GLUD1: variants seen among roughly 807,000 people sequenced by gnomAD.
GLUD1 encodes glutamate dehydrogenase 1, mitochondrial.
Under a neutral mutation model 56.0 loss-of-function variants are expected in GLUD1, and 22 were observed. The observed-to-expected ratio is 0.39, with a 90% CI of 0.28 to 0.56. The LOEUF is 0.56. Ranked by LOEUF, GLUD1 falls within the 20% of genes least tolerant of loss-of-function variation. The probability of loss-of-function intolerance (pLI) is 0.58; values close to 1 mark genes in which losing one functional copy is unlikely to be tolerated. For missense variants in GLUD1, 451 were observed against 732.0 expected, an observed-to-expected ratio of 0.62 and a Z score of 4.43; for synonymous variants, 223 against 269.9, an observed-to-expected ratio of 0.83 and a Z score of 1.70.
intron 5 of GLUD1, among the ~76,000 whole-genome samples, chr10:87,065,406 T>A (rs1846050501): frequency 6.6e-6 from 1 of 152,098 alleles, no homozygotes; most frequent in Admixed American, 6.6e-5. Flanking sequence ...TATGCCCAGC[T>A]GGTCTCTTGT....
chr10:87,076,746 G>C, intron 1 of GLUD1, 90 bp from the exon 2 acceptor site: 2 of 818,622 alleles, frequency 2.4e-6, no homozygotes, highest in Non-Finnish European at 2.2e-6. Context: ...AAAAAAGAAA[G>C]CTACAAATTG....
rs773724079 is a variant in GLUD1 at position 87,094,341 on chromosome 10, G to C, written c.429C>G (p.Arg143=). ...EGYRAQHSQH[R]TPCKGGIRYS... is the part of the protein sequence containing the mutation. ...GACGCTCACCTCCCTTGCAGGGCGT[G>C]CGGTGCTGGCTGTGCTGGGCCCGGT... Residue 143 remains arginine (R), a synonymous_variant, in exon 1 of 13, where the codon CGC becomes CGG. Coordinates refer to ENST00000277865, the MANE Select transcript of GLUD1 (RefSeq NM_005271.5). The surrounding 1 kb of genome is among the most constrained non-coding windows in gnomAD (Gnocchi z 6.6). The C allele has an allele frequency of 3.1e-6, 5 of 1,610,126 alleles. No individual in the cohort carries two copies. The East Asian group carries it at 1.1e-4, about 36-fold the overall frequency.
intron 11 of GLUD1, among the ~76,000 whole-genome samples, chr10:87,056,377 T>C (rs1295341496): frequency 6.8e-6 from 1 of 148,108 alleles, no homozygotes; most frequent in Non-Finnish European, 1.5e-5. Flanking sequence ...CACTCCAACC[T>C]CTGCCTCCTG....
intron 9 of GLUD1, 98 bp downstream of exon 9, chr10:87,060,063 G>T (rs970900801): frequency 3.7e-6 from 3 of 816,420 alleles, no homozygotes; most frequent in Admixed American, 3.5e-5. Flanking sequence ...ATTCACTAGA[G>T]CTTGGAGACT....
chr10:87,066,518 A>G (rs1846081121), intron 5 of GLUD1, among the ~76,000 whole-genome samples: 2 of 152,160 alleles, frequency 1.3e-5, no homozygotes, highest in African/African-American at 4.8e-5. Context: ...AAGTTCACCC[A>G]GCTTCTGAAC....
chr10:87,066,573 C>G (rs1378778144), intron 5 of GLUD1, among the ~76,000 whole-genome samples: 2 of 152,186 alleles, frequency 1.3e-5, no homozygotes, highest in Non-Finnish European at 2.9e-5. Context: ...CAAACACTTG[C>G]CACTACCCCT....
Position 87,093,807 on chromosome 10 carries a change from A to T in GLUD1, c.445+518T>A. The T allele has an allele frequency of 8.7e-6, 6 of 686,442 alleles. No individual in the cohort carries two copies. The South Asian group carries it at 8.9e-5, about 10-fold the overall frequency. 42.5% of individuals were successfully genotyped at this position (686,442 alleles called of 1,614,324 possible). ...TTAGTAAATTCCTTTGGTTAATAAAACTGTCTAGATTTCAAACTTAGAAGC... is the reference window on the plus strand; with the variant it reads ...TTAGTAAATTCCTTTGGTTAATAAATCTGTCTAGATTTCAAACTTAGAAGC... On this transcript the variant is annotated intron_variant, in intron 1 of 12. Coordinates refer to ENST00000277865, the MANE Select transcript of GLUD1 (RefSeq NM_005271.5).
At chr10:87,053,535 C>A in intron 11 of GLUD1, 131 bp from the exon 12 acceptor site, 2 of 709,698 alleles carry the variant, frequency 2.8e-6, no homozygotes, top group South Asian at 1.5e-5. Flanking sequence ...TAAGATATGT[C>A]ATTTCTGCAC....
At chr10:87,059,392 AT>A in intron 9 of GLUD1, 119 bp from the exon 10 acceptor site, 2 of 969,338 alleles carry the variant, frequency 2.1e-6, no homozygotes, top group South Asian at 1.3e-5. Flanking sequence ...TCGCAAATAT[AT>A]TTTAGCCAGT....
At chr10:87,069,214 T>TA (rs1310647787) in intron 4 of GLUD1, among the ~76,000 whole-genome samples, 1 of 151,824 alleles carries the variant, frequency 6.6e-6, no homozygotes, top group African/African-American at 2.4e-5. Context: ...AAACGCAACT[T>TA]AAAAAATGGT....
intron 11 of GLUD1, among the ~76,000 whole-genome samples, chr10:87,054,188 T>C (rs1845708152): frequency 6.6e-6 from 1 of 152,180 alleles, no homozygotes; most frequent in Admixed American, 6.5e-5. Context: ...ACTGAGTACA[T>C]ACTCTTCCAG....
chr10:87,089,651 G>A lies in GLUD1; in HGVS notation c.445+4674C>T, dbSNP rs903263782. 97 of 984,450 alleles carry A rather than the reference G, an allele frequency of 9.9e-5. 1 individual carries two copies. The African/African-American group carries it at 1.4e-3, about 15-fold the overall frequency. 61.0% of individuals were successfully genotyped at this position (984,450 alleles called of 1,614,324 possible). A position where few individuals can be genotyped will look rare whatever the true frequency, so the allele number is the denominator to read the frequency against. ...TAGTTGCCTTTTTGTAAAGATAATCGGAAGGTCTTGAGTAGCTCCTTCTCC... is the reference window on the plus strand; with the variant it reads ...TAGTTGCCTTTTTGTAAAGATAATCAGAAGGTCTTGAGTAGCTCCTTCTCC... On this transcript the variant is annotated intron_variant, in intron 1 of 12. Coordinates refer to ENST00000277865, the MANE Select transcript of GLUD1 (RefSeq NM_005271.5).
chr10:87,055,163 T>C (rs536772040), intron 11 of GLUD1, among the ~76,000 whole-genome samples: 3 of 152,182 alleles, frequency 2.0e-5, no homozygotes, highest in South Asian at 4.2e-4. Flanking sequence ...TCCTACAGGG[T>C]AGAGGCACGG....
At chr10:87,055,623 A>G (rs1036765130) in intron 11 of GLUD1, among the ~76,000 whole-genome samples, 1 of 152,200 alleles carries the variant, frequency 6.6e-6, no homozygotes, top group Non-Finnish European at 1.5e-5. Context: ...ACACTTAAGC[A>G]GGGAGGAGAT....
chr10:87,090,336 T>C (rs1841481422), intron 1 of GLUD1, among the ~76,000 whole-genome samples: 1 of 152,232 alleles, frequency 6.6e-6, no homozygotes, highest in African/African-American at 2.4e-5. Flanking sequence ...CTTTAATATA[T>C]ATTGGTGCTT....
chr10:87,061,187 A>G, intron 6 of GLUD1, 135 bp from the exon 7 acceptor site: 1 of 868,300 alleles, frequency 1.2e-6, no homozygotes, highest in Admixed American at 1.7e-5. Flanking sequence ...AAAAGAAACA[A>G]TGTACTAACT....
chr10:87,068,480 AC>A (rs1846137169), intron 4 of GLUD1, among the ~76,000 whole-genome samples: 1 of 152,156 alleles, frequency 6.6e-6, no homozygotes, highest in Non-Finnish European at 1.5e-5. Flanking sequence ...GCCTCTCTTG[AC>A]CTCATTTCAC....
At position 87,079,126 on chromosome 10, in the gene GLUD1, T is replaced by C. The variant is rs556140537; in HGVS notation, c.446-2470A>G. Among the ~76,000 whole-genome samples, 21 of 152,160 alleles carry C rather than the reference T, an allele frequency of 1.4e-4. No individual in the cohort carries two copies. The South Asian group carries it at 3.5e-3, about 26-fold the overall frequency. On this transcript the variant is annotated intron_variant, in intron 1 of 12. Coordinates refer to ENST00000277865, the MANE Select transcript of GLUD1 (RefSeq NM_005271.5). The stretch of plus-strand genomic sequence containing the variant: ...TATGCAATGTTGTATTCATAAATCA[T>C]AAAATTACTTTGTACCTCATAAATA...
intron 1 of GLUD1, among the ~76,000 whole-genome samples, chr10:87,077,533 G>C (rs1285512547): frequency 6.7e-6 from 1 of 149,304 alleles, no homozygotes; most frequent in Non-Finnish European, 1.5e-5. Flanking sequence ...CTGCAAAGAG[G>C]GCAGGTAGCC....
Sources: allele counts gnomAD v4.1 joint callset (sites outside exome capture counted in the v4.1 genomes callset), GRCh38; gene constraint gnomAD v4.1.1; non-coding constraint Gnocchi (gnomAD v3.1); transcripts MANE v1.5; gene names NCBI Gene and HGNC (gene_info 2026-07-23, HGNC 2026-07-21).